FAM13B: variants seen among roughly 807,000 people sequenced by gnomAD.
FAM13B encodes the protein family with sequence similarity 13 member B, also known as protein FAM13B.
A neutral mutation model predicts 117.3 loss-of-function variants in FAM13B; 60 were observed. The ratio of observed to expected loss-of-function variants is 0.51; its 90% CI spans 0.42 to 0.63. FAM13B has a LOEUF of 0.63. Ranked by LOEUF, FAM13B falls within the 30% of genes least tolerant of loss-of-function variation. FAM13B has a pLI of 0.00. For missense variants in FAM13B, 972 were observed against 1,091.9 expected (o/e 0.89, Z 1.55); for synonymous variants, 332 against 356.1 (o/e 0.93, Z 0.76).
At chr5:137,984,422 A>T (rs983066528) in intron 10 of FAM13B, among the ~76,000 whole-genome samples, 6 of 152,164 alleles carry the variant, frequency 3.9e-5, no homozygotes, top group African/African-American at 1.4e-4. Context: ...ATCTCATTAC[A>T]ACTAGGTCTC....
chr5:138,043,589 G>A (rs1253685874), intron 1 of FAM13B, among the ~76,000 whole-genome samples: 3 of 151,742 alleles, frequency 2.0e-5, no homozygotes, highest in East Asian at 1.9e-4. Context: ...ACAGGCGCAC[G>A]CCACCACGCC....
At chr5:137,993,535 C>T (rs1387458644) in intron 7 of FAM13B, among the ~76,000 whole-genome samples, 10 of 151,788 alleles carry the variant, frequency 6.6e-5, no homozygotes, top group Admixed American at 5.9e-4. Context: ...ATAACCAGCA[C>T]TTTGGGAGGC....
chr5:138,000,728 C>T lies in FAM13B; in HGVS notation c.848+6262G>A, dbSNP rs145545125. On this transcript the variant is annotated intron_variant, in intron 7 of 23. Coordinates refer to ENST00000689681, the MANE Select transcript of FAM13B (RefSeq NM_001385994.1). ...GGCAGATCACTTGAAGCCAGGAGTT[C>T]GAGACCAGCCTGGCCAACATGGTGA... Among the ~76,000 whole-genome samples, 553 of 152,082 alleles carry T rather than the reference C, an allele frequency of 3.6e-3. 4 individuals carry two copies. Among genetic ancestry groups the T allele is most frequent in the African/African-American group, 0.013 (529 of 41,482 alleles).
chr5:137,966,558 A>G (rs1292531354), intron 10 of FAM13B, among the ~76,000 whole-genome samples: 4 of 148,430 alleles, frequency 2.7e-5, no homozygotes, highest in African/African-American at 7.4e-5. Flanking sequence ...AAACTCAACA[A>G]TAAGAAAACA....
intron 1 of FAM13B, among the ~76,000 whole-genome samples, chr5:138,041,063 C>CA (rs5871662): frequency 0.23 from 16,167 of 69,808 alleles, 1,343 homozygotes; most frequent in East Asian, 0.47. Context: ...GACTCCATCT[C>CA]AAAAAAAAAA....
chr5:138,017,296 A>G (rs985161908), intron 4 of FAM13B, among the ~76,000 whole-genome samples: 3 of 152,226 alleles, frequency 2.0e-5, no homozygotes, highest in African/African-American at 7.2e-5. Flanking sequence ...TTAGGCTCAC[A>G]GTTTAAAATT....
At chr5:138,000,955 A>C (rs1204057401) in intron 7 of FAM13B, among the ~76,000 whole-genome samples, 1 of 151,978 alleles carries the variant, frequency 6.6e-6, no homozygotes, top group Non-Finnish European at 1.5e-5. Context: ...AAAAAAAAAA[A>C]AACAGCATCT....
intron 10 of FAM13B, 128 bp downstream of exon 10, chr5:137,985,129 T>G: frequency 1.1e-6 from 1 of 939,698 alleles, no homozygotes; most frequent in Non-Finnish European, 1.6e-6. Flanking sequence ...ACAATGTATA[T>G]TCTTGGGGAT....
intron 2 of FAM13B, among the ~76,000 whole-genome samples, chr5:138,020,239 T>C (rs1472533039): frequency 2.0e-5 from 3 of 152,160 alleles, no homozygotes; most frequent in African/African-American, 7.2e-5. Context: ...TTTGTATTTT[T>C]AGTAGAGACG....
intron 10 of FAM13B, among the ~76,000 whole-genome samples, chr5:137,966,456 A>ATT (rs1237338874): frequency 9.9e-6 from 1 of 100,984 alleles, no homozygotes; most frequent in Non-Finnish European, 1.9e-5. Context: ...AAAGAAATAG[A>ATT]TTTTATATAT....
chr5:137,964,566 C>T (rs1037432782), intron 10 of FAM13B, among the ~76,000 whole-genome samples: 2 of 150,630 alleles, frequency 1.3e-5, no homozygotes, highest in Admixed American at 1.3e-4. Flanking sequence ...ACTAAAAATA[C>T]AAAAATTAGC....
chr5:137,944,408 T>C (rs1762821153), intron 20 of FAM13B, among the ~76,000 whole-genome samples: 1 of 152,118 alleles, frequency 6.6e-6, no homozygotes, highest in African/African-American at 2.4e-5. Context: ...CAGGTGCCCA[T>C]CAACAGTGGA....
chr5:137,985,475 T>C (rs1337080963), intron 9 of FAM13B, 86 bp from the exon 10 acceptor site: 2 of 1,308,112 alleles, frequency 1.5e-6, no homozygotes, highest in East Asian at 2.4e-5. Context: ...TCAATAATGA[T>C]CTGAAACTTT....
intron 1 of FAM13B, among the ~76,000 whole-genome samples, chr5:138,038,099 CT>C (rs1329478269): frequency 6.6e-6 from 1 of 152,186 alleles, no homozygotes; most frequent in Admixed American, 6.5e-5. Flanking sequence ...GCTTTCATAT[CT>C]GGATTTATTG....
intron 10 of FAM13B, among the ~76,000 whole-genome samples, chr5:137,975,061 T>C (rs1352074248): frequency 6.6e-6 from 1 of 152,202 alleles, no homozygotes; most frequent in Admixed American, 6.5e-5. Flanking sequence ...GCAGAGACTA[T>C]ATACCCACAA....
exon 1 of FAM13B, chr5:138,051,955 A>G (rs1281661052): frequency 6.6e-6 from 1 of 152,142 alleles, no homozygotes; most frequent in East Asian, 1.9e-4. Flanking sequence ...CTTCCCGTCC[A>G]GAAAACAAGG....
chr5:138,036,884 G>C, upstream of FAM13B: 1 of 338,814 alleles, frequency 3.0e-6, no homozygotes, highest in South Asian at 2.3e-5. Flanking sequence ...CTGAATTCAG[G>C]ATCTGCTGAA....
At chr5:137,958,474 A>G (rs1176179112) in intron 13 of FAM13B, among the ~76,000 whole-genome samples, 1 of 151,860 alleles carries the variant, frequency 6.6e-6, no homozygotes, top group East Asian at 1.9e-4. Flanking sequence ...ACCCACACAC[A>G]CTCCATTTGC....
intron 1 of FAM13B, among the ~76,000 whole-genome samples, chr5:138,021,757 T>G (rs903143988): frequency 2.0e-5 from 3 of 152,226 alleles, no homozygotes; most frequent in Non-Finnish European, 2.9e-5. Flanking sequence ...TCCGTCATTT[T>G]GTAGACACAT....
Sources: allele counts gnomAD v4.1 joint callset (sites outside exome capture counted in the v4.1 genomes callset), GRCh38; gene constraint gnomAD v4.1.1; transcripts MANE v1.5; gene names NCBI Gene and HGNC (gene_info 2026-07-23, HGNC 2026-07-21).